The following EIF2D variants were observed in gnomAD, a reference collection of about 807,000 sequenced individuals.
EIF2D encodes eukaryotic translation initiation factor 2D, also known as hepatocellular carcinoma-associated antigen 56.
Under a neutral mutation model 77.4 loss-of-function variants are expected in EIF2D, and 56 were observed. That is an observed-to-expected ratio of 0.72 (90% CI 0.58 to 0.90). The LOEUF (loss-of-function observed/expected upper bound fraction) is 0.90. EIF2D is among the 40% of genes least tolerant of loss of function. The pLI is 0.00. For synonymous variants in EIF2D, 230 were observed against 271.0 expected (o/e 0.85, Z 1.49); for missense variants, 574 against 706.5 (o/e 0.81, Z 2.13).
At chr1:206,610,304 A>G (rs1670407751) in intron 2 of EIF2D, among the ~76,000 whole-genome samples, 1 of 152,166 alleles carries the variant, frequency 6.6e-6, no homozygotes, top group Non-Finnish European at 1.5e-5. Flanking sequence ...AAATCACTTG[A>G]GCTCAAGAGT....
chr1:206,608,584 TTTG>T (rs1670313075), intron 3 of EIF2D, among the ~76,000 whole-genome samples: 1 of 152,038 alleles, frequency 6.6e-6, no homozygotes, highest in South Asian at 2.1e-4. Context: ...TCAAACAGAG[TTTG>T]AGTGTCCTGG....
intron 14 of EIF2D, 109 bp downstream of exon 14, chr1:206,593,510 T>A (rs879995680): frequency 0.023 from 6,717 of 286,534 alleles, 56 homozygotes; most frequent in African/African-American, 0.071. Context: ...AGAGAGAGAG[T>A]GTGTGTGTGT....
At position 206,612,326 on chromosome 1, in the gene EIF2D, A is replaced by G. The variant is rs1670543781; in HGVS notation, c.17T>C (p.Phe6Ser). 6.2e-7 allele frequency: 1 copy of G among 1,614,230 alleles called. No individual in the cohort carries two copies. Among genetic ancestry groups the G allele is most frequent in the East Asian group, 2.2e-5 (1 of 44,888 alleles). Reference sequence around the variant, plus strand: ...GATGGCCGTGTTGGACTTGACCCGAAAGGCCTTGGCAAACATGTCTGCTGG... The same window carrying G: ...GATGGCCGTGTTGGACTTGACCCGAGAGGCCTTGGCAAACATGTCTGCTGG... Reference protein sequence around the residue: MFAKAFRVKSNTAIKG... With the variant: MFAKASRVKSNTAIKG... The change falls in exon 1 of 15, where the codon TTT becomes TCT. Residue 6 changes from phenylalanine (F) to serine (S), a missense_variant. Phe to Ser is a radical substitution (Grantham distance 155, BLOSUM62 -2). Transcript: ENST00000271764.
At chr1:206,570,230 T>C (rs1553403996), downstream of EIF2D, among the ~76,000 whole-genome samples, 1 of 151,920 alleles carries the variant, frequency 6.6e-6, no homozygotes, top group East Asian at 1.9e-4. Flanking sequence ...TAGCTGGCAC[T>C]ACAGGCATGG....
chr1:206,602,850 C>G (rs1197667846), intron 6 of EIF2D, 101 bp downstream of exon 6: 2 of 1,500,944 alleles, frequency 1.3e-6, no homozygotes, highest in Non-Finnish European at 1.8e-6. Flanking sequence ...CCCTCCTCCC[C>G]CGGAAGCTTA....
At chr1:206,575,185 C>T (rs1668595355) in intron 4 of EIF2D, among the ~76,000 whole-genome samples, 1 of 152,080 alleles carries the variant, frequency 6.6e-6, no homozygotes, top group South Asian at 2.1e-4. Context: ...TGCAGACGTT[C>T]CCATCTAGGG....
In EIF2D at chr1:206,599,785, C is replaced by A. The variant is rs561865523; in HGVS notation, c.1000G>T (p.Glu334Ter). 1 of 1,614,136 alleles carries A rather than the reference C, an allele frequency of 6.2e-7. No individual in the cohort carries two copies. The highest frequency in any genetic ancestry group is 1.1e-5 in the South Asian group (1 of 91,068). ...ATGCTCTCCACCCCTTTGCTCAGCT[C>A]CTTCACCTGTATAATCTGCTCCTGC... ...MQQEQIIQVKELSKGVESIVA... is the reference protein window; with the variant it reads ...MQQEQIIQVK The change falls in exon 9 of 15, where the codon GAG (glutamate) becomes TAG (stop). Residue 334 changes from glutamate (E) to a stop codon, truncating the protein, a stop_gained. Coordinates refer to ENST00000271764, the MANE Select transcript of EIF2D (RefSeq NM_006893.3). LOFTEE classifies it high-confidence loss of function. This position sits in a 1 kb window ranked among gnomAD's most constrained non-coding sequence, Gnocchi z 4.1.
chr1:206,576,393 C>A (rs1668661321), intron 4 of EIF2D, among the ~76,000 whole-genome samples: 1 of 152,358 alleles, frequency 6.6e-6, no homozygotes, highest in South Asian at 2.1e-4. Context: ...ATCCCTACCC[C>A]AGCCAGCTTT....
intron 4 of EIF2D, among the ~76,000 whole-genome samples, chr1:206,575,181 C>T (rs1324324653): frequency 6.6e-6 from 1 of 152,102 alleles, no homozygotes; most frequent in South Asian, 2.1e-4. Flanking sequence ...TGCCTGCAGA[C>T]GTTCCCATCT....
chr1:206,593,508 A>AGAGTGTGTGTGC (rs10533643), intron 14 of EIF2D, 111 bp downstream of exon 14: 13 of 401,496 alleles, frequency 3.2e-5, no homozygotes, highest in Non-Finnish European at 5.1e-5. Context: ...AGAGAGAGAG[A>AGAGTGTGTGTGC]GTGTGTGTGT....
intron 14 of EIF2D, among the ~76,000 whole-genome samples, 153 bp downstream of exon 14, chr1:206,593,466 G>GGAGAGAGA (rs781913118): frequency 1.0e-3 from 105 of 100,734 alleles, no homozygotes; most frequent in African/African-American, 5.3e-3. Context: ...AAAACTAAAT[G>GGAGAGAGA]GAGAGAGAGA....
intron 5 of EIF2D, 149 bp downstream of exon 5, chr1:206,605,251 T>C: frequency 9.5e-6 from 5 of 523,876 alleles, no homozygotes. Flanking sequence ...AAAAATATTT[T>C]CTTTATATTT....
At chr1:206,570,947 A>G (rs1668431433), downstream of EIF2D, among the ~76,000 whole-genome samples, 1 of 152,158 alleles carries the variant, frequency 6.6e-6, no homozygotes, top group Admixed American at 6.5e-5. Flanking sequence ...TTCTGGGTGT[A>G]TACCCAGAAG....
downstream of EIF2D, chr1:206,586,644 T>C: frequency 1.7e-6 from 1 of 592,106 alleles, no homozygotes; most frequent in Non-Finnish European, 3.0e-6. Context: ...TGGAATTTTG[T>C]TGCTGCTATG....
exon 3 of EIF2D, chr1:206,580,949 C>G (rs944779): frequency 0.45 from 68,671 of 152,016 alleles, 16,037 homozygotes; most frequent in Middle Eastern, 0.65. Flanking sequence ...TTTGGTTTAA[C>G]AGCTGCTCAT....
rs1281783147 is a variant in EIF2D, at chr1:206,611,175, T to C, written c.247+9A>G. On this transcript the variant is annotated intron_variant, in intron 2 of 14. Coordinates refer to ENST00000271764, the MANE Select transcript of EIF2D (RefSeq NM_006893.3). ...AATGGTAATGGCCATCTTCGTCCTG[T>C]TGTCATACCTGTTGGATACAGATTT... 1.9e-6 allele frequency: 3 copies of C among 1,606,378 alleles called. No individual in the cohort carries two copies. The highest frequency in any genetic ancestry group is 2.7e-5 in the African/African-American group (2 of 74,826).
intron 11 of EIF2D, 142 bp downstream of exon 11, chr1:206,598,861 T>G: frequency 1.3e-6 from 1 of 754,350 alleles, no homozygotes; most frequent in Non-Finnish European, 2.1e-6. Flanking sequence ...CCACAGCCCA[T>G]GGTTTGGAAA....
chr1:206,596,895 A>G (rs1338338366), intron 12 of EIF2D, among the ~76,000 whole-genome samples: 1 of 150,434 alleles, frequency 6.6e-6, no homozygotes, highest in Non-Finnish European at 1.5e-5. Flanking sequence ...TCTTCCTTTC[A>G]AGCTCTCCCA....
chr1:206,598,212 A>G (rs1315939932), intron 11 of EIF2D, among the ~76,000 whole-genome samples: 4 of 151,906 alleles, frequency 2.6e-5, no homozygotes, highest in African/African-American at 9.7e-5. Flanking sequence ...TAATTTTTGT[A>G]TTTTTTGTAG....
Sources: allele counts gnomAD v4.1 joint callset (sites outside exome capture counted in the v4.1 genomes callset), GRCh38; gene constraint gnomAD v4.1.1; non-coding constraint Gnocchi (gnomAD v3.1); transcripts MANE v1.5; gene names NCBI Gene and HGNC (gene_info 2026-07-23, HGNC 2026-07-21).